Variants in CEP192 observed in about 807,000 individuals in gnomAD.
The protein encoded by CEP192 is centrosomal protein 192.
CEP192 carries 151 observed loss-of-function variants against 271.8 expected under a neutral mutation model. The observed-to-expected ratio is 0.56, with a 90% confidence interval of 0.49 to 0.64. CEP192 has a LOEUF of 0.64. Ranked by LOEUF, CEP192 falls within the 30% of genes least tolerant of loss-of-function variation. The pLI is 0.00. For missense variants in CEP192, 2,910 were observed against 3,020.5 expected (o/e 0.96, Z 0.86); for synonymous variants, 995 against 1,076.5 (o/e 0.92, Z 1.48).
chr18:13,030,087 A>G (rs1336872485), intron 10 of CEP192, 85 bp downstream of exon 10: 19 of 1,070,626 alleles, frequency 1.8e-5, no homozygotes, highest in Non-Finnish European at 2.4e-5. Flanking sequence ...GAAATGTGCC[A>G]GTCTTTCCTG....
chr18:13,065,683 T>C (rs993747405), intron 21 of CEP192, among the ~76,000 whole-genome samples: 4 of 152,216 alleles, frequency 2.6e-5, no homozygotes, highest in African/African-American at 9.6e-5. Flanking sequence ...TTACAAGTTA[T>C]ATTCCATGCA....
At chr18:13,084,296 G>A (rs903095566) in intron 30 of CEP192, among the ~76,000 whole-genome samples, 67 of 152,192 alleles carry the variant, frequency 4.4e-4, no homozygotes, top group African/African-American at 1.6e-3. Context: ...AGCTTCCCTG[G>A]CTGCTTTGTT....
At chr18:13,015,747 A>T (rs895304393) in intron 6 of CEP192, among the ~76,000 whole-genome samples, 45 of 143,162 alleles carry the variant, frequency 3.1e-4, no homozygotes, top group Admixed American at 7.0e-4. Flanking sequence ...GAACCATGAA[A>T]TTTTTTTTTT....
At chr18:13,095,019 C>T (rs1438770579) in intron 34 of CEP192, among the ~76,000 whole-genome samples, 1 of 152,178 alleles carries the variant, frequency 6.6e-6, no homozygotes, top group Non-Finnish European at 1.5e-5. Context: ...CACCACCCAC[C>T]CCTGTCACCC....
chr18:13,114,107 T>G (rs1429732352), intron 41 of CEP192, 23 bp from the exon 42 acceptor site: 1 of 1,600,602 alleles, frequency 6.2e-7, no homozygotes, highest in Non-Finnish European at 8.5e-7. Flanking sequence ...TCTTCTCCGT[T>G]ACCCTGTGAT....
At chr18:13,123,230 T>G (rs953215253) in intron 44 of CEP192, among the ~76,000 whole-genome samples, 1 of 152,222 alleles carries the variant, frequency 6.6e-6, no homozygotes, top group Non-Finnish European at 1.5e-5. Context: ...AAATTGTAGC[T>G]AATGCCATGG....
intron 30 of CEP192, among the ~76,000 whole-genome samples, chr18:13,079,265 T>G (rs1012317964): frequency 2.0e-5 from 3 of 152,124 alleles, no homozygotes; most frequent in Non-Finnish European, 4.4e-5. Context: ...GTGTAAAAGT[T>G]TTCCTATTTC....
rs917609123 is a variant in CEP192, at chr18:13,087,673, G to A, written c.5993+27G>A. On this transcript the variant is annotated intron_variant, in intron 32 of 44. Transcript: ENST00000506447. ...TAGATTACTTATCTTACACAATGTT[G>A]GGAACCATTCAGCAGAAATAATGAA... The A allele has an allele frequency of 5.8e-6, 7 of 1,199,580 alleles. No individual in the cohort carries two copies. In the African/African-American group the frequency reaches 9.4e-5, roughly 16 times the overall value. The allele number at this position is 1,199,580 out of a possible 1,614,324, so 74.3% of individuals were successfully genotyped here.
chr18:13,017,702 T>A (rs928795376), intron 7 of CEP192, among the ~76,000 whole-genome samples: 3 of 152,218 alleles, frequency 2.0e-5, no homozygotes, highest in Non-Finnish European at 4.4e-5. Context: ...GCATTTATCT[T>A]TTGTAGATAA....
At chr18:13,048,802 A>G in intron 15 of CEP192, 57 bp from the exon 16 acceptor site, 1 of 1,180,116 alleles carries the variant, frequency 8.5e-7, no homozygotes, top group Admixed American at 2.2e-5. Context: ...TGGGGGACTA[A>G]TGAATGTTCA....
intron 34 of CEP192, among the ~76,000 whole-genome samples, chr18:13,094,885 C>A (rs3786160): frequency 0.21 from 32,156 of 152,100 alleles, 3,638 homozygotes; most frequent in East Asian, 0.31. Flanking sequence ...CCATTATCTT[C>A]AATATATTTA....
chr18:13,058,860 G>A, intron 20 of CEP192: 1 of 546,936 alleles, frequency 1.8e-6, no homozygotes, highest in Non-Finnish European at 3.3e-6. Context: ...GAGGTGGACT[G>A]GGGAGACAGC....
chr18:13,116,405 T>A lies in CEP192; in HGVS notation c.7318T>A (p.Tyr2440Asn), dbSNP rs775753712. The A allele has an allele frequency of 2.5e-6, 4 of 1,612,696 alleles. No individual in the cohort carries two copies. ...EQLDVTARGV[Y>N]APEDVYRFRP... The stretch of plus-strand genomic sequence containing the variant: ...GCTTGATGTGACTGCTCGTGGAGTT[T>A]ATGCCCCAGAGGATGTGTACAGGTT... Residue 2440 changes from tyrosine to asparagine, a missense_variant, in exon 43 of 45, where the codon TAT (tyrosine) becomes AAT (asparagine). Tyr to Asn is a moderately radical substitution (Grantham distance 143). Transcript: ENST00000506447.
At chr18:13,077,617 G>A (rs915653126) in intron 30 of CEP192, among the ~76,000 whole-genome samples, 1 of 152,196 alleles carries the variant, frequency 6.6e-6, no homozygotes, top group Non-Finnish European at 1.5e-5. Context: ...GCAGCAGATG[G>A]ATCCCCAAGC....
chr18:13,066,615 C>T (rs752206948), intron 21 of CEP192, among the ~76,000 whole-genome samples: 40 of 152,226 alleles, frequency 2.6e-4, no homozygotes, highest in Non-Finnish European at 4.6e-4. Context: ...TCCCATGTGG[C>T]CTAGGCGTAG....
At chr18:13,115,041 A>G (rs2040366886) in intron 42 of CEP192, among the ~76,000 whole-genome samples, 1 of 152,236 alleles carries the variant, frequency 6.6e-6, no homozygotes, top group Non-Finnish European at 1.5e-5. Context: ...GAAGGACAAT[A>G]TATGTTAAAT....
chr18:13,061,423 T>C (rs2037402210), intron 21 of CEP192, among the ~76,000 whole-genome samples: 1 of 152,274 alleles, frequency 6.6e-6, no homozygotes, highest in Admixed American at 6.5e-5. Context: ...GCAGCCACTC[T>C]GGGAGACAGG....
In CEP192 at chr18:13,040,933, A is replaced by G. The variant is rs112493535; in HGVS notation, c.1913A>G (p.His638Arg). Residue 638 changes from histidine (H) to arginine (R), a missense_variant, in exon 14 of 45, where the codon CAT becomes CGT. His to Arg is a conservative substitution (Grantham distance 29, BLOSUM62 0). Coordinates refer to ENST00000506447, the MANE Select transcript of CEP192 (RefSeq NM_032142.4). ...GGTAATTTGGAAAAAGAAATGGCTC[A>G]TCTTAACCATGATCTATATTCAGGT... Reference protein sequence around the residue: ...SRGNLEKEMAHLNHDLYSGDL... With the variant: ...SRGNLEKEMARLNHDLYSGDL... 8.1e-6 allele frequency: 13 copies of G among 1,611,364 alleles called. No homozygotes were observed. In the African/African-American group the frequency reaches 1.2e-4, roughly 15 times the overall value.
At chr18:12,999,061 A>T (rs968752107) in intron 1 of CEP192, among the ~76,000 whole-genome samples, 15 of 152,208 alleles carry the variant, frequency 9.9e-5, no homozygotes, top group African/African-American at 3.6e-4. Context: ...AATATGTCCT[A>T]AAATCATTTG....
Sources: gnomAD v4.1 joint callset for allele counts (sites outside exome capture counted in the v4.1 genomes callset) on GRCh38, gnomAD v4.1.1 for gene constraint, MANE v1.5 for transcripts, NCBI Gene and HGNC (gene_info 2026-07-23, HGNC 2026-07-21) for gene names.